The following SORCS2 variants were observed in gnomAD, a reference collection of about 807,000 sequenced individuals.
SORCS2 encodes the protein sortilin related VPS10 domain containing receptor 2, also known as VPS10 domain-containing receptor SorCS2.
A neutral mutation model predicts 141.6 loss-of-function variants in SORCS2; 100 were observed. The observed-to-expected ratio is 0.71, with a 90% CI of 0.60 to 0.83. The LOEUF is 0.83. SORCS2 is among the 40% of genes least tolerant of loss of function. SORCS2 has a pLI of 0.00. For synonymous variants in SORCS2, 789 were observed against 676.9 expected (o/e 1.17, Z -2.57); for missense variants, 1,646 against 1,560.2 (o/e 1.05, Z -0.93).
At chr4:7,461,412 G>C (rs917082307) in intron 2 of SORCS2, among the ~76,000 whole-genome samples, 1 of 152,150 alleles carries the variant, frequency 6.6e-6, no homozygotes, top group African/African-American at 2.4e-5. Context: ...CAGCCTGGCC[G>C]CGCCAAGGCC....
intron 1 of SORCS2, among the ~76,000 whole-genome samples, chr4:7,209,499 G>A (rs996696733): frequency 3.3e-5 from 5 of 152,116 alleles, no homozygotes; most frequent in African/African-American, 4.8e-5. Flanking sequence ...GGTCCCTGCC[G>A]GGACCCCAGC....
intron 9 of SORCS2, among the ~76,000 whole-genome samples, chr4:7,677,067 T>C (rs1430134208): frequency 6.6e-6 from 1 of 151,870 alleles, no homozygotes; most frequent in Non-Finnish European, 1.5e-5. Context: ...TTCACTTGCT[T>C]GCTCTCGCTC....
chr4:7,583,774 A>C (rs1408799608), intron 3 of SORCS2, among the ~76,000 whole-genome samples: 1 of 152,230 alleles, frequency 6.6e-6, no homozygotes, highest in Non-Finnish European at 1.5e-5. Context: ...TAAATTACCC[A>C]GTCTCTAGCA....
chr4:7,735,346 T>A (rs1200767604), intron 25 of SORCS2: 1 of 154,402 alleles, frequency 6.5e-6, no homozygotes, highest in Non-Finnish European at 1.5e-5. Flanking sequence ...CCCCAACCCC[T>A]CCTCCTGCTC....
At position 7,509,329 on chromosome 4, in the gene SORCS2, C is replaced by A. The variant is rs35180008; in HGVS notation, c.549-22201C>A. On this transcript the variant is annotated intron_variant, in intron 2 of 26. Transcript: ENST00000507866. ...TGGAGAGGGAGAAAGGGAGGGATAC[C>A]CACAGCCTCTCTTCCCCCTGCTGGA... Among the ~76,000 whole-genome samples the A allele has an allele frequency of 9.7e-3, 1,472 of 152,164 alleles. 14 individuals are homozygous for A. Among genetic ancestry groups the A allele is most frequent in the East Asian group, 0.028 (143 of 5,166 alleles).
chr4:7,297,147 G>A (rs1396145813), intron 1 of SORCS2, among the ~76,000 whole-genome samples: 1 of 152,174 alleles, frequency 6.6e-6, no homozygotes, highest in Non-Finnish European at 1.5e-5. Context: ...CATCTCCTCT[G>A]CATTAGGTGG....
chr4:7,608,230 A>T (rs772616622), intron 3 of SORCS2, among the ~76,000 whole-genome samples: 1 of 152,136 alleles, frequency 6.6e-6, no homozygotes. Context: ...CACCTAGCAG[A>T]TGGCAGTGGG....
At chr4:7,683,710 G>T (rs1723706677) in intron 10 of SORCS2, among the ~76,000 whole-genome samples, 1 of 152,230 alleles carries the variant, frequency 6.6e-6, no homozygotes, top group South Asian at 2.1e-4. Flanking sequence ...CCATCGCACT[G>T]CCAGTAAGTG....
chr4:7,463,623 T>C (rs1729440589), intron 2 of SORCS2, among the ~76,000 whole-genome samples: 1 of 152,168 alleles, frequency 6.6e-6, no homozygotes, highest in Admixed American at 6.5e-5. Context: ...GCAAAGCAAT[T>C]TGTTGCTTAA....
intron 5 of SORCS2, among the ~76,000 whole-genome samples, chr4:7,655,276 C>T (rs781352477): frequency 1.1e-4 from 16 of 152,018 alleles, no homozygotes; most frequent in African/African-American, 1.5e-4. Flanking sequence ...GACCATTGCA[C>T]GGGCCTCCTG....
chr4:7,713,560 A>C (rs939800144), intron 15 of SORCS2, among the ~76,000 whole-genome samples: 12 of 152,146 alleles, frequency 7.9e-5, no homozygotes, highest in Non-Finnish European at 1.2e-4. Flanking sequence ...GTTCAAAGCC[A>C]AGGTCAGTGG....
At chr4:7,505,780 C>T (rs1004793472) in intron 2 of SORCS2, among the ~76,000 whole-genome samples, 3 of 152,234 alleles carry the variant, frequency 2.0e-5, no homozygotes, top group Admixed American at 6.5e-5. Flanking sequence ...CTGTGACCTT[C>T]GAGAGTGATG....
chr4:7,308,823 C>G (rs543806707), intron 1 of SORCS2, among the ~76,000 whole-genome samples: 2 of 152,290 alleles, frequency 1.3e-5, no homozygotes, highest in African/African-American at 4.8e-5. Context: ...CCTGTCTGTC[C>G]TCTTTCTGCT....
At chr4:7,725,071 C>CT in intron 19 of SORCS2, 83 bp from the exon 20 acceptor site, 1 of 1,449,022 alleles carries the variant, frequency 6.9e-7, no homozygotes, top group Admixed American at 2.0e-5. Context: ...AATGAAGTTG[C>CT]TGGTGACAGT....
At chr4:7,237,030 T>A (rs933530934) in intron 1 of SORCS2, among the ~76,000 whole-genome samples, 2 of 152,244 alleles carry the variant, frequency 1.3e-5, no homozygotes, top group Non-Finnish European at 2.9e-5. Flanking sequence ...CATCCTGAGA[T>A]GCTGGGCCTC....
chr4:7,694,171 T>TCAGTGAG (rs1179988964), intron 11 of SORCS2, among the ~76,000 whole-genome samples: 3 of 152,302 alleles, frequency 2.0e-5, no homozygotes, highest in Non-Finnish European at 4.4e-5. Flanking sequence ...ATGTCTTCAT[T>TCAGTGAG]CAGTGAGCAC....
intron 3 of SORCS2, among the ~76,000 whole-genome samples, chr4:7,564,684 C>T (rs933376639): frequency 2.0e-5 from 3 of 152,186 alleles, no homozygotes; most frequent in African/African-American, 7.2e-5. Context: ...GGGATTTGAA[C>T]CCAGCATCCA....
At position 7,294,407 on chromosome 4, in the gene SORCS2, T is replaced by C. The variant is rs79178630; in HGVS notation, c.480+101281T>C. ...AGGCCAGAGGTAGGGCAGGAGGCTGTGTCTCCCCGCAGCCGACCTTCTGGG... is the reference window on the plus strand; with the variant it reads ...AGGCCAGAGGTAGGGCAGGAGGCTGCGTCTCCCCGCAGCCGACCTTCTGGG... On this transcript the variant is annotated intron_variant, in intron 1 of 26. Coordinates refer to ENST00000507866, the MANE Select transcript of SORCS2 (RefSeq NM_020777.3). Among the ~76,000 whole-genome samples, 9 of 152,090 alleles carry C rather than the reference T, an allele frequency of 5.9e-5. No individual in the cohort carries two copies. The East Asian group carries it at 1.7e-3, about 29-fold the overall frequency.
intron 2 of SORCS2, among the ~76,000 whole-genome samples, chr4:7,460,408 G>C (rs6836594): frequency 5.5e-4 from 84 of 152,310 alleles, no homozygotes; most frequent in African/African-American, 1.9e-3. Flanking sequence ...CGGGGTGCCA[G>C]ACTCCCCCAG....
Sources: gnomAD v4.1 joint callset for allele counts (sites outside exome capture counted in the v4.1 genomes callset) on GRCh38, gnomAD v4.1.1 for gene constraint, MANE v1.5 for transcripts, NCBI Gene and HGNC (gene_info 2026-07-23, HGNC 2026-07-21) for gene names.